The following KSR2 variants were observed in gnomAD, a reference collection of about 807,000 sequenced individuals.
The protein encoded by KSR2 is kinase suppressor of ras 2.
A neutral mutation model predicts 107.8 loss-of-function variants in KSR2; 25 were observed. The observed-to-expected ratio is 0.23, with a 90% CI of 0.17 to 0.32. The LOEUF is 0.32. Ranked by LOEUF, KSR2 falls within the 10% of genes least tolerant of loss-of-function variation. The pLI is 1.00. For missense variants in KSR2, 887 were observed against 1,268.9 expected (o/e 0.70, Z 4.57); for synonymous variants, 480 against 507.0 (o/e 0.95, Z 0.71).
chr12:117,729,814 A>G (rs949245916), intron 4 of KSR2, among the ~76,000 whole-genome samples: 2 of 150,340 alleles, frequency 1.3e-5, no homozygotes, highest in Admixed American at 7.0e-5. Flanking sequence ...ACTCTCAAAG[A>G]ACTCATGGTC....
At chr12:117,921,012 C>T (rs1211986780) in intron 1 of KSR2, among the ~76,000 whole-genome samples, 2 of 152,192 alleles carry the variant, frequency 1.3e-5, no homozygotes, top group Non-Finnish European at 2.9e-5. Context: ...CTTTGAGAGG[C>T]AATAACAGTG....
intron 1 of KSR2, among the ~76,000 whole-genome samples, chr12:117,866,080 A>G (rs1593319522): frequency 7.2e-6 from 1 of 138,372 alleles, no homozygotes; most frequent in African/African-American, 2.9e-5. Flanking sequence ...TCTGTCGCCC[A>G]GGATGGAGTA....
rs10651702 is a variant in KSR2 at position 117,968,305 on chromosome 12, A to AGG, written c.-51_-50insCC. The AGG allele has an allele frequency of 0.11, 122,049 of 1,098,416 alleles. 7,088 individuals are homozygous for AGG. The highest frequency in any genetic ancestry group is 0.15 in the Admixed American group (3,964 of 25,978). 68.0% of individuals were successfully genotyped at this position (1,098,416 alleles called of 1,614,324 possible). A position where few individuals can be genotyped will look rare whatever the true frequency, so the allele number is the denominator to read the frequency against. On this transcript the variant is annotated 5_prime_UTR_variant, in exon 1 of 20. Transcript: ENST00000339824. ...CTCCTCCTCCTCCCAGAGAGAAAAA[A>AGG]GAGGGGGGGGAGTAGAGGTAGTCTA...
At chr12:117,580,976 G>C (rs568530365) in intron 6 of KSR2, among the ~76,000 whole-genome samples, 12 of 152,294 alleles carry the variant, frequency 7.9e-5, no homozygotes, top group African/African-American at 2.9e-4. Context: ...GGCCAAACCG[G>C]GGTGGAGCAG....
chr12:117,938,737 C>A (rs1182409374), intron 1 of KSR2, among the ~76,000 whole-genome samples: 1 of 151,946 alleles, frequency 6.6e-6, no homozygotes, highest in Non-Finnish European at 1.5e-5. Flanking sequence ...GGCAACAGAG[C>A]AAAACTGTCT....
intron 4 of KSR2, among the ~76,000 whole-genome samples, chr12:117,672,744 C>A (rs1423935897): frequency 6.6e-6 from 1 of 152,172 alleles, no homozygotes; most frequent in Admixed American, 6.5e-5. Context: ...CCTGCCTCAG[C>A]CTCCCAAGTA....
chr12:117,793,613 TCA>T (rs1439620176), intron 3 of KSR2, among the ~76,000 whole-genome samples: 1 of 118,400 alleles, frequency 8.4e-6, no homozygotes, highest in Non-Finnish European at 1.7e-5. Flanking sequence ...ACATGCACAC[TCA>T]CACCAACATG....
At chr12:117,867,757 ATCAGATGAGCCACCAATCTACTGC>A (rs1312422442) in intron 1 of KSR2, among the ~76,000 whole-genome samples, 68 of 152,326 alleles carry the variant, frequency 4.5e-4, no homozygotes, top group African/African-American at 1.4e-3. Context: ...GCCATCTCAG[ATCAGATGAGCCACCAATCTACTGC>A]TGATCCCAGA....
chr12:117,962,641 C>T (rs988446276), intron 1 of KSR2, among the ~76,000 whole-genome samples: 3 of 150,852 alleles, frequency 2.0e-5, no homozygotes, highest in African/African-American at 7.3e-5. Flanking sequence ...GACGGGGTTT[C>T]GCCATGTTGG....
At chr12:117,856,926 T>C (rs1184517348) in intron 2 of KSR2, among the ~76,000 whole-genome samples, 1 of 152,194 alleles carries the variant, frequency 6.6e-6, no homozygotes, top group African/African-American at 2.4e-5. Context: ...ATGGTGCCTT[T>C]TCAACTCACC....
At chr12:117,738,962 G>A (rs534662552) in intron 4 of KSR2, among the ~76,000 whole-genome samples, 1 of 152,344 alleles carries the variant, frequency 6.6e-6, no homozygotes, top group African/African-American at 2.4e-5. Flanking sequence ...GTGAGTGAGC[G>A]AGTGAGTGGT....
At chr12:117,856,016 G>A (rs1301750465) in intron 2 of KSR2, among the ~76,000 whole-genome samples, 1 of 152,116 alleles carries the variant, frequency 6.6e-6, no homozygotes, top group Non-Finnish European at 1.5e-5. Flanking sequence ...AGGTGTGCTG[G>A]TGGCTGGGTC....
At chr12:117,823,566 A>C in intron 3 of KSR2, among the ~76,000 whole-genome samples, 1 of 152,216 alleles carries the variant, frequency 6.6e-6, no homozygotes, top group East Asian at 1.9e-4. Flanking sequence ...ACTGCAGGGA[A>C]AAGAGGAGCA....
At chr12:117,920,810 A>AG (rs1007543364) in intron 1 of KSR2, among the ~76,000 whole-genome samples, 3 of 152,104 alleles carry the variant, frequency 2.0e-5, no homozygotes, top group Non-Finnish European at 4.4e-5. Flanking sequence ...GAAGGATTCA[A>AG]GCATAAAGAT....
At position 117,476,720 on chromosome 12, in the gene KSR2, C is replaced by G. The variant is rs147948980; in HGVS notation, c.2451-125G>C. On this transcript the variant is annotated intron_variant, in intron 16 of 19. Transcript: ENST00000339824. ...TTCTCGCTTCCCACATTGAGCACTGCCTGACCACCTACTGGAGGCCGAGAC... is the reference window on the plus strand; with the variant it reads ...TTCTCGCTTCCCACATTGAGCACTGGCTGACCACCTACTGGAGGCCGAGAC... The G allele has an allele frequency of 2.6e-4, 265 of 1,003,980 alleles. 1 individual carries two copies. In the African/African-American group the frequency reaches 3.7e-3, roughly 14 times the overall value. The allele number at this position is 1,003,980 out of a possible 1,614,324, so 62.2% of individuals were successfully genotyped here.
chr12:117,752,485 G>A (rs558590454), intron 4 of KSR2, among the ~76,000 whole-genome samples: 2 of 152,156 alleles, frequency 1.3e-5, no homozygotes, highest in African/African-American at 4.8e-5. Context: ...ATGAAGAAAG[G>A]GAACTAGATA....
At chr12:117,865,162 C>T (rs1399254285) in intron 1 of KSR2, among the ~76,000 whole-genome samples, 5 of 152,122 alleles carry the variant, frequency 3.3e-5, no homozygotes, top group African/African-American at 1.2e-4. Flanking sequence ...TATCATTTAT[C>T]TAGTTTGTTT....
chr12:117,694,131 C>T (rs1043801442), intron 4 of KSR2, among the ~76,000 whole-genome samples: 1 of 148,162 alleles, frequency 6.7e-6, no homozygotes, highest in Non-Finnish European at 1.5e-5. Context: ...CTGTGGCAAA[C>T]ACCACGGCAG....
At chr12:117,775,641 G>C (rs1191884260) in intron 3 of KSR2, among the ~76,000 whole-genome samples, 1 of 152,146 alleles carries the variant, frequency 6.6e-6, no homozygotes, top group Non-Finnish European at 1.5e-5. Context: ...AATAGGAAAC[G>C]AGTACCCAGG....
Sources: allele counts gnomAD v4.1 joint callset (sites outside exome capture counted in the v4.1 genomes callset), GRCh38; gene constraint gnomAD v4.1.1; transcripts MANE v1.5; gene names NCBI Gene and HGNC (gene_info 2026-07-23, HGNC 2026-07-21).